GARNL3: variants seen among roughly 807,000 people sequenced by gnomAD.
GARNL3 encodes GTPase activating Rap/RanGAP domain like 3.
In GARNL3, 63 loss-of-function variants were observed where a neutral mutation model predicts 125.0. The ratio of observed to expected loss-of-function variants is 0.50; its 90% confidence interval spans 0.41 to 0.62. GARNL3 has a LOEUF of 0.62. GARNL3 is among the 20% of genes least tolerant of loss of function. The pLI is 0.00. For missense variants in GARNL3, 994 were observed against 1,244.0 expected (o/e 0.80, Z 3.02); for synonymous variants, 439 against 457.5 (o/e 0.96, Z 0.52).
At chr9:127,355,093 G>T (rs1830617566) in intron 19 of GARNL3, among the ~76,000 whole-genome samples, 1 of 152,170 alleles carries the variant, frequency 6.6e-6, no homozygotes, top group African/African-American at 2.4e-5. Flanking sequence ...GCACCCAGCT[G>T]GGAATAGGAC....
chr9:127,256,393 C>T (rs1227757539), intron 2 of GARNL3, among the ~76,000 whole-genome samples: 1 of 152,216 alleles, frequency 6.6e-6, no homozygotes, highest in African/African-American at 2.4e-5. Context: ...CACCCGAAGA[C>T]TGCATATGCT....
chr9:127,373,042 A>G (rs772582411), intron 22 of GARNL3, among the ~76,000 whole-genome samples: 2 of 152,260 alleles, frequency 1.3e-5, no homozygotes, highest in Non-Finnish European at 2.9e-5. Context: ...GCCTGATGTC[A>G]TTCAAAAGCC....
chr9:127,332,482 G>C (rs760575060), intron 8 of GARNL3, 133 bp downstream of exon 8: 3 of 722,744 alleles, frequency 4.2e-6, no homozygotes, highest in African/African-American at 3.5e-5. Flanking sequence ...CAATTTCAGC[G>C]TGAATTTTGT....
intron 2 of GARNL3, among the ~76,000 whole-genome samples, chr9:127,251,823 G>A (rs146789761): frequency 1.3e-5 from 2 of 152,252 alleles, no homozygotes; most frequent in African/African-American, 4.8e-5. Flanking sequence ...AGCAGACACA[G>A]GAAGAACTCT....
chr9:127,302,753 A>G (rs1257136159), intron 2 of GARNL3, among the ~76,000 whole-genome samples: 2 of 152,252 alleles, frequency 1.3e-5, no homozygotes, highest in Non-Finnish European at 2.9e-5. Context: ...TACTGTTTAC[A>G]TATTTTACAA....
intron 7 of GARNL3, among the ~76,000 whole-genome samples, chr9:127,328,237 T>C (rs1829004966): frequency 6.6e-6 from 1 of 152,286 alleles, no homozygotes; most frequent in South Asian, 2.1e-4. Flanking sequence ...GGATATTAGC[T>C]TGAGACAACA....
intron 2 of GARNL3, among the ~76,000 whole-genome samples, chr9:127,258,377 C>T (rs1004775878): frequency 6.6e-6 from 1 of 152,114 alleles, no homozygotes; most frequent in African/African-American, 2.4e-5. Flanking sequence ...CAGTGGCTCA[C>T]GCCTGTAATC....
chr9:127,343,917 T>C (rs372696087), intron 14 of GARNL3, among the ~76,000 whole-genome samples: 3 of 152,180 alleles, frequency 2.0e-5, no homozygotes, highest in Admixed American at 6.5e-5. Context: ...CTGTGTAAGA[T>C]TGGCATCCCA....
intron 22 of GARNL3, among the ~76,000 whole-genome samples, chr9:127,373,119 G>A (rs1431320819): frequency 6.6e-6 from 1 of 152,206 alleles, no homozygotes; most frequent in Non-Finnish European, 1.5e-5. Flanking sequence ...TGTACTTCTT[G>A]TTGGGAAGCT....
At position 127,248,644 on chromosome 9, in the gene GARNL3, A is replaced by G. The variant is rs145373911; in HGVS notation, c.143+5395A>G. Among the ~76,000 whole-genome samples the G allele has an allele frequency of 3.5e-3, 377 of 109,230 alleles. 3 individuals carry two copies. Among genetic ancestry groups the G allele is most frequent in the African/African-American group, 0.013 (352 of 26,744 alleles). 71.7% of individuals were successfully genotyped at this position (109,230 alleles called of 152,430 possible). On this transcript the variant is annotated intron_variant, in intron 2 of 10. Coordinates refer to the GARNL3 transcript ENST00000439286. Reference sequence around the variant, plus strand: ...TTTTGTTGAGACAGGGTCTCACTCCATTGTCCAAGCTGGAGTGCAGTGGTG... The same window carrying G: ...TTTTGTTGAGACAGGGTCTCACTCCGTTGTCCAAGCTGGAGTGCAGTGGTG...
At chr9:127,366,310 A>G (rs1011687199) in intron 22 of GARNL3, among the ~76,000 whole-genome samples, 1 of 152,242 alleles carries the variant, frequency 6.6e-6, no homozygotes, top group African/African-American at 2.4e-5. Flanking sequence ...AACCTCTTCA[A>G]CAATAAATTG....
chr9:127,354,038 G>A (rs1830550101), intron 18 of GARNL3, 94 bp downstream of exon 18: 1 of 841,786 alleles, frequency 1.2e-6, no homozygotes, highest in Middle Eastern at 2.7e-4. Context: ...GACTGCATAA[G>A]TTCTGCCAGC....
At chr9:127,279,894 A>G (rs767168969) in intron 1 of GARNL3, among the ~76,000 whole-genome samples, 2 of 152,298 alleles carry the variant, frequency 1.3e-5, no homozygotes, top group East Asian at 3.9e-4. Flanking sequence ...GAGTTAAACA[A>G]CTGGCTGGCT....
chr9:127,326,613 A>C (rs948611473), intron 7 of GARNL3, among the ~76,000 whole-genome samples: 22 of 152,218 alleles, frequency 1.4e-4, no homozygotes, highest in African/African-American at 4.8e-4. Flanking sequence ...ACTAATGTAT[A>C]ATACACCTAC....
rs1564208301 is a variant in GARNL3, at chr9:127,392,458, G to A, written c.2871-625G>A. Among the ~76,000 whole-genome samples, 1 of 152,204 alleles carries A rather than the reference G, an allele frequency of 6.6e-6. No individual in the cohort carries two copies. The highest frequency in any genetic ancestry group is 1.9e-4 in the East Asian group (1 of 5,196). ...TGACAGCAACTACCTCAGGGCAAGG[G>A]CCCCGAAGCAGGCCTAGCATGGCCA... On this transcript the variant is annotated intron_variant, in intron 27 of 27. Transcript: ENST00000373387. This position sits in a 1 kb window ranked among gnomAD's most constrained non-coding sequence, Gnocchi z 5.2.
At chr9:127,349,822 G>T (rs1830331635) in intron 17 of GARNL3, among the ~76,000 whole-genome samples, 1 of 152,202 alleles carries the variant, frequency 6.6e-6, no homozygotes, top group Admixed American at 6.5e-5. Flanking sequence ...CATTTCCTCG[G>T]ACTGCCCAGA....
At chr9:127,256,747 A>T (rs1453714042) in intron 2 of GARNL3, among the ~76,000 whole-genome samples, 1 of 152,192 alleles carries the variant, frequency 6.6e-6, no homozygotes, top group Non-Finnish European at 1.5e-5. Flanking sequence ...TGTACCCTTT[A>T]CCAGGTTTCC....
chr9:127,361,355 C>T (rs192018886), intron 21 of GARNL3, among the ~76,000 whole-genome samples: 1 of 152,214 alleles, frequency 6.6e-6, no homozygotes, highest in Admixed American at 6.5e-5. Flanking sequence ...AATTCTCCCT[C>T]GTTGGCCTAC....
intron 1 of GARNL3, among the ~76,000 whole-genome samples, chr9:127,289,290 G>C (rs756072945): frequency 6.6e-6 from 1 of 152,132 alleles, no homozygotes; most frequent in African/African-American, 2.4e-5. Context: ...CCACTCTCAG[G>C]TTTGATAGTT....
Sources: gnomAD v4.1 joint callset for allele counts (sites outside exome capture counted in the v4.1 genomes callset) on GRCh38, gnomAD v4.1.1 for gene constraint, Gnocchi (gnomAD v3.1) non-coding constraint, MANE v1.5 for transcripts, NCBI Gene and HGNC (gene_info 2026-07-23, HGNC 2026-07-21) for gene names.